SLC24A3: variants seen among roughly 807,000 people sequenced by gnomAD.
SLC24A3 encodes sodium/potassium/calcium exchanger 3.
SLC24A3 carries 28 observed loss-of-function variants against 75.8 expected under a neutral mutation model. That is an observed-to-expected ratio of 0.37 (90% CI 0.27 to 0.51). The LOEUF (loss-of-function observed/expected upper bound fraction) is 0.51, where lower values mean the gene tolerates loss of function less well. Ranked by LOEUF, SLC24A3 falls within the 20% of genes least tolerant of loss-of-function variation. The pLI, the probability that SLC24A3 is intolerant of heterozygous loss-of-function variation, is 0.94. For synonymous variants in SLC24A3, 372 were observed against 334.1 expected (o/e 1.11, Z -1.24); for missense variants, 663 against 847.8 (o/e 0.78, Z 2.71).
chr20:19,639,722 T>C (rs1477278101), intron 6 of SLC24A3, among the ~76,000 whole-genome samples: 2 of 152,190 alleles, frequency 1.3e-5, no homozygotes, highest in South Asian at 4.1e-4. Context: ...CAGGAGCCCA[T>C]GGAGTGGGTG....
At chr20:19,665,563 C>G (rs1166239612) in intron 7 of SLC24A3, among the ~76,000 whole-genome samples, 2 of 152,162 alleles carry the variant, frequency 1.3e-5, no homozygotes, top group Admixed American at 6.6e-5. Flanking sequence ...GTCACACTTC[C>G]CTGTCACTCT....
At chr20:19,365,583 GA>G (rs1487318570) in intron 2 of SLC24A3, among the ~76,000 whole-genome samples, 1 of 152,118 alleles carries the variant, frequency 6.6e-6, no homozygotes, top group South Asian at 2.1e-4. Context: ...TTGCTATACA[GA>G]AAAGCACATG....
chr20:19,269,640 T>A (rs559199863), intron 1 of SLC24A3, among the ~76,000 whole-genome samples: 1 of 152,358 alleles, frequency 6.6e-6, no homozygotes, highest in Admixed American at 6.5e-5. Context: ...TGAGACCCAC[T>A]GCACAAACAC....
chr20:19,427,534 G>T (rs923719861), intron 2 of SLC24A3, among the ~76,000 whole-genome samples: 2 of 152,190 alleles, frequency 1.3e-5, no homozygotes, highest in African/African-American at 4.8e-5. Context: ...TTCCACTGGG[G>T]GCTGGGGGAA....
chr20:19,258,501 C>G (rs542821482), intron 1 of SLC24A3, among the ~76,000 whole-genome samples: 1 of 152,140 alleles, frequency 6.6e-6, no homozygotes, highest in African/African-American at 2.4e-5. Context: ...GTCAGCAGTT[C>G]GAGACCAGCC....
chr20:19,537,831 G>C (rs2030426657), intron 3 of SLC24A3, among the ~76,000 whole-genome samples: 1 of 145,780 alleles, frequency 6.9e-6, no homozygotes, highest in East Asian at 2.1e-4. Flanking sequence ...TGAACAATGA[G>C]AACACATGGA....
intron 3 of SLC24A3, among the ~76,000 whole-genome samples, chr20:19,563,882 C>T (rs571301097): frequency 8.5e-5 from 13 of 152,286 alleles, no homozygotes; most frequent in African/African-American, 2.6e-4. Context: ...TGATAACCCT[C>T]GGAAAGGCTC....
At chr20:19,297,301 G>A (rs1319151881) in intron 2 of SLC24A3, among the ~76,000 whole-genome samples, 1 of 152,148 alleles carries the variant, frequency 6.6e-6, no homozygotes, top group Non-Finnish European at 1.5e-5. Context: ...TACGCATGAT[G>A]TGCACAAGTT....
chr20:19,659,002 A>G (rs1382361456), intron 7 of SLC24A3, among the ~76,000 whole-genome samples: 1 of 152,248 alleles, frequency 6.6e-6, no homozygotes, highest in Non-Finnish European at 1.5e-5. Context: ...TTCATTACAT[A>G]GGCAGTCTAG....
intron 2 of SLC24A3, among the ~76,000 whole-genome samples, chr20:19,465,878 A>G (rs1476777190): frequency 1.3e-5 from 2 of 152,226 alleles, no homozygotes; most frequent in Non-Finnish European, 2.9e-5. Context: ...GCCTCATCCC[A>G]GGATAATTAA....
intron 1 of SLC24A3, among the ~76,000 whole-genome samples, chr20:19,263,769 G>A (rs946688591): frequency 5.3e-5 from 8 of 152,176 alleles, no homozygotes; most frequent in Admixed American, 2.6e-4. Context: ...AAAGTTGCAA[G>A]CAATGGGCCA....
intron 2 of SLC24A3, among the ~76,000 whole-genome samples, chr20:19,511,177 T>TG (rs998350922): frequency 5.3e-5 from 8 of 152,174 alleles, no homozygotes; most frequent in Non-Finnish European, 4.4e-5. Context: ...CTGCTCCCGA[T>TG]GCTTCCTGGG....
At chr20:19,457,693 T>A (rs1987602770) in intron 2 of SLC24A3, among the ~76,000 whole-genome samples, 1 of 152,160 alleles carries the variant, frequency 6.6e-6, no homozygotes, top group South Asian at 2.1e-4. Flanking sequence ...AAATCACTCA[T>A]GGGACCAAGG....
At chr20:19,503,542 A>G (rs951977703) in intron 2 of SLC24A3, among the ~76,000 whole-genome samples, 3 of 152,254 alleles carry the variant, frequency 2.0e-5, no homozygotes, top group Admixed American at 6.5e-5. Context: ...ACCTAAAATT[A>G]TAGGTAAATG....
chr20:19,573,906 A>G (rs1290815879), intron 3 of SLC24A3, among the ~76,000 whole-genome samples: 2 of 152,268 alleles, frequency 1.3e-5, no homozygotes, highest in Non-Finnish European at 2.9e-5. Flanking sequence ...GGCCACCAAC[A>G]GCATCTGCCA....
At chr20:19,614,036 GTA>G in intron 6 of SLC24A3, among the ~76,000 whole-genome samples, 2 of 152,274 alleles carry the variant, frequency 1.3e-5, no homozygotes, top group Admixed American at 1.3e-4. Flanking sequence ...TCCCAGTTGT[GTA>G]TATCCACAGA....
intron 3 of SLC24A3, among the ~76,000 whole-genome samples, chr20:19,578,510 A>G (rs532378518): frequency 2.0e-5 from 3 of 151,348 alleles, no homozygotes; most frequent in Admixed American, 2.0e-4. Flanking sequence ...CAGCTTCTCC[A>G]CTTATCTCTG....
chr20:19,650,409 A>G (rs1600321183), intron 6 of SLC24A3, among the ~76,000 whole-genome samples: 1 of 152,296 alleles, frequency 6.6e-6, no homozygotes, highest in South Asian at 2.1e-4. Context: ...GAGCTTAAAG[A>G]CGCAACCCAC....
intron 2 of SLC24A3, among the ~76,000 whole-genome samples, chr20:19,436,851 C>T (rs1987213136): frequency 6.6e-6 from 1 of 152,176 alleles, no homozygotes; most frequent in Admixed American, 6.5e-5. Flanking sequence ...TTTGGTTCAG[C>T]ACAGGCCATG....
Sources: allele counts gnomAD v4.1 joint callset (sites outside exome capture counted in the v4.1 genomes callset), GRCh38; gene constraint gnomAD v4.1.1; transcripts MANE v1.5; gene names NCBI Gene and HGNC (gene_info 2026-07-23, HGNC 2026-07-21).